CDH8: variants seen among roughly 807,000 people sequenced by gnomAD.
CDH8 encodes cadherin 8.
A neutral mutation model predicts 68.1 loss-of-function variants in CDH8; 17 were observed. That is an observed-to-expected ratio of 0.25 (90% CI 0.17 to 0.37). The LOEUF (loss-of-function observed/expected upper bound fraction) is 0.37, where lower values mean the gene tolerates loss of function less well. CDH8 is among the 10% of genes least tolerant of loss of function. The pLI, the probability that CDH8 is intolerant of heterozygous loss-of-function variation, is 1.00. For missense variants in CDH8, 763 were observed against 999.3 expected (o/e 0.76, Z 3.19); for synonymous variants, 372 against 365.1 (o/e 1.02, Z -0.21).
chr16:61,917,340 G>C lies in CDH8; in HGVS notation c.253-15867C>G, dbSNP rs1019920206. 2.0e-5 allele frequency among the ~76,000 whole-genome samples: 3 copies of C among 152,130 alleles called. No homozygotes were observed. The East Asian group carries it at 5.8e-4, about 29-fold the overall frequency. On this transcript the variant is annotated intron_variant, in intron 2 of 11. Coordinates refer to ENST00000577390, the MANE Select transcript of CDH8 (RefSeq NM_001796.5). Reference sequence around the variant, plus strand: ...CTGTTCAAGAATAACTGTAGAATGTGATGGGAATGCAACATCCTGAGATAT... The same window carrying C: ...CTGTTCAAGAATAACTGTAGAATGTCATGGGAATGCAACATCCTGAGATAT...
chr16:61,931,477 A>C (rs1449194601), intron 2 of CDH8, among the ~76,000 whole-genome samples: 1 of 152,038 alleles, frequency 6.6e-6, no homozygotes, highest in Non-Finnish European at 1.5e-5. Flanking sequence ...CACTCAGCCT[A>C]ATAAGGACTT....
intron 2 of CDH8, among the ~76,000 whole-genome samples, chr16:61,958,162 C>T (rs1407829003): frequency 6.6e-6 from 1 of 152,126 alleles, no homozygotes; most frequent in African/African-American, 2.4e-5. Context: ...AAGCACAGAG[C>T]TTGGAAAGCC....
chr16:61,787,422 A>AT (rs1305564231), intron 8 of CDH8, among the ~76,000 whole-genome samples: 6 of 138,644 alleles, frequency 4.3e-5, no homozygotes, highest in African/African-American at 1.8e-4. Flanking sequence ...AATGGCAATC[A>AT]TTAAAAAGTC....
At chr16:61,988,202 T>G (rs1172429324) in intron 2 of CDH8, among the ~76,000 whole-genome samples, 1 of 150,480 alleles carries the variant, frequency 6.6e-6, no homozygotes, top group African/African-American at 2.4e-5. Flanking sequence ...ACATAAGAAG[T>G]TATATTTTAA....
At chr16:62,010,801 G>A (rs374197691) in intron 2 of CDH8, among the ~76,000 whole-genome samples, 2 of 151,922 alleles carry the variant, frequency 1.3e-5, no homozygotes, top group East Asian at 1.9e-4. Context: ...AAATTAGCCG[G>A]CCATGGTGGC....
At chr16:61,675,706 T>C (rs1009750871) in intron 10 of CDH8, among the ~76,000 whole-genome samples, 1 of 151,618 alleles carries the variant, frequency 6.6e-6, no homozygotes, top group African/African-American at 2.4e-5. Flanking sequence ...ATAACTCAAT[T>C]ATGACTTTAT....
At chr16:61,896,959 A>G (rs1161279723) in intron 3 of CDH8, among the ~76,000 whole-genome samples, 2 of 151,924 alleles carry the variant, frequency 1.3e-5, no homozygotes, top group Non-Finnish European at 2.9e-5. Flanking sequence ...CAACCTGATA[A>G]TAAGGGATAG....
At chr16:61,695,111 T>C (rs906320512) in intron 10 of CDH8, among the ~76,000 whole-genome samples, 4 of 151,998 alleles carry the variant, frequency 2.6e-5, no homozygotes, top group African/African-American at 9.7e-5. Context: ...AGTGGAATAC[T>C]TCTGCTGTAC....
At chr16:61,981,811 C>T (rs1301533618) in intron 2 of CDH8, among the ~76,000 whole-genome samples, 1 of 152,106 alleles carries the variant, frequency 6.6e-6, no homozygotes, top group African/African-American at 2.4e-5. Flanking sequence ...TCAGATTATA[C>T]AATAATTTGC....
intron 10 of CDH8, chr16:61,691,660 C>A (rs1475294111): frequency 1.3e-5 from 2 of 151,706 alleles, no homozygotes; most frequent in Admixed American, 1.3e-4. Flanking sequence ...TGTCACAGTA[C>A]CTCTTTCTCG....
At chr16:61,940,428 C>G (rs1271907500) in intron 2 of CDH8, 1 of 111,960 alleles carries the variant, frequency 8.9e-6, no homozygotes, top group Non-Finnish European at 1.7e-5. Flanking sequence ...GAGACGGAGC[C>G]TCGCTCTGTC....
At chr16:61,939,054 G>C (rs186969781) in intron 2 of CDH8, among the ~76,000 whole-genome samples, 1 of 152,164 alleles carries the variant, frequency 6.6e-6, no homozygotes, top group Non-Finnish European at 1.5e-5. Flanking sequence ...CTCATTCATA[G>C]AGAATAAGGC....
chr16:61,776,380 C>T (rs1229596830), intron 8 of CDH8, among the ~76,000 whole-genome samples: 3 of 152,078 alleles, frequency 2.0e-5, no homozygotes, highest in South Asian at 4.1e-4. Context: ...TATAACTCAA[C>T]AGCTTATGTC....
intron 10 of CDH8, among the ~76,000 whole-genome samples, chr16:61,696,678 C>T (rs2142841473): frequency 6.6e-6 from 1 of 152,232 alleles, no homozygotes; most frequent in Non-Finnish European, 1.5e-5. Context: ...GTAGCAAATA[C>T]ATGGAATCAA....
chr16:61,704,033 C>A (rs1322152893), intron 10 of CDH8, among the ~76,000 whole-genome samples: 5 of 152,110 alleles, frequency 3.3e-5, no homozygotes, highest in Non-Finnish European at 7.4e-5. Context: ...CAAGCAAGGT[C>A]TTATGATCAT....
At chr16:61,685,685 T>G (rs1448270229) in intron 10 of CDH8, among the ~76,000 whole-genome samples, 3 of 151,958 alleles carry the variant, frequency 2.0e-5, no homozygotes, top group Non-Finnish European at 4.4e-5. Context: ...AGGCACAGCA[T>G]AGCAAGGTCA....
At chr16:61,999,791 C>A (rs1309301488) in intron 2 of CDH8, among the ~76,000 whole-genome samples, 1 of 151,720 alleles carries the variant, frequency 6.6e-6, no homozygotes, top group African/African-American at 2.4e-5. Context: ...ATAATGAATT[C>A]CCCCCTTTTT....
In CDH8 at chr16:61,830,768, A is replaced by G. The variant is rs530425393; in HGVS notation, c.668-5589T>C. ...CCATGTGACAAAATGCTTTCCTCTG[A>G]AGCAATTAGTAAAATTCTTGATGTG... On this transcript the variant is annotated intron_variant, in intron 4 of 11. Coordinates refer to ENST00000577390, the MANE Select transcript of CDH8 (RefSeq NM_001796.5). Among the ~76,000 whole-genome samples, 16 of 151,958 alleles carry G rather than the reference A, an allele frequency of 1.1e-4. 1 individual carries two copies. In the South Asian group the frequency reaches 3.3e-3, roughly 32 times the overall value.
intron 2 of CDH8, among the ~76,000 whole-genome samples, chr16:61,969,582 T>C (rs1324127823): frequency 6.6e-6 from 1 of 152,184 alleles, no homozygotes; most frequent in Non-Finnish European, 1.5e-5. Flanking sequence ...AAAGAGATAT[T>C]AGATATTATA....
Sources: gnomAD v4.1 joint callset for allele counts (sites outside exome capture counted in the v4.1 genomes callset) on GRCh38, gnomAD v4.1.1 for gene constraint, MANE v1.5 for transcripts, NCBI Gene and HGNC (gene_info 2026-07-23, HGNC 2026-07-21) for gene names.